ZNF462: variants seen among roughly 807,000 people sequenced by gnomAD.
ZNF462 encodes zinc finger protein 462.
ZNF462 carries 10 observed loss-of-function variants against 201.9 expected under a neutral mutation model. That is an observed-to-expected ratio of 0.05 (90% CI 0.03 to 0.08). The LOEUF is 0.08. Among genes scored for constraint, ZNF462 ranks in the 10% least tolerant of loss-of-function variants. ZNF462 has a pLI of 1.00. For synonymous variants in ZNF462, 1,227 were observed against 1,193.3 expected (o/e 1.03, Z -0.58); for missense variants, 2,523 against 3,168.3 (o/e 0.80, Z 4.89).
In ZNF462 at chr9:106,932,642, G is replaced by T; in HGVS notation, c.6116+93G>T. ...AAGCAGAAGCTTGGATGAGTAAGAA[G>T]GCCCCACTCATGGTTCACACCTGCT... On this transcript the variant is annotated intron_variant, in intron 5 of 12. Transcript: ENST00000277225. This position sits in a 1 kb window ranked among gnomAD's most constrained non-coding sequence, Gnocchi z 6.8. The T allele has an allele frequency of 6.6e-7, 1 of 1,518,866 alleles. No homozygotes were observed. Among genetic ancestry groups the T allele is most frequent in the Non-Finnish European group, 9.0e-7 (1 of 1,108,396 alleles). The allele number at this position is 1,518,866 out of a possible 1,614,324, so 94.1% of individuals were successfully genotyped here.
At position 106,950,522 on chromosome 9, in the gene ZNF462, A is replaced by T. The variant is rs1564127123; in HGVS notation, c.6427+11415A>T. 6.6e-6 allele frequency among the ~76,000 whole-genome samples: 1 copy of T among 152,232 alleles called. No homozygotes were observed. Among genetic ancestry groups the T allele is most frequent in the Non-Finnish European group, 1.5e-5 (1 of 68,036 alleles). On this transcript the variant is annotated intron_variant, in intron 7 of 12. Transcript: ENST00000277225. The surrounding 1 kb of genome is among the most constrained non-coding windows in gnomAD (Gnocchi z 4.1). ...TTTAATTAGGGATACAGAGAAGGAA[A>T]GATGAGGAAATTCACATCTACCTTG...
rs1826688042 is a variant in ZNF462 at position 106,972,687 on chromosome 9, A to G, written c.6695+415A>G. Reference sequence around the variant, plus strand: ...CAGTAGTGTCTTCCCTGCTCCCCTGATAGAAAATTCTTTAATTCTTAAGAT... The same window carrying G: ...CAGTAGTGTCTTCCCTGCTCCCCTGGTAGAAAATTCTTTAATTCTTAAGAT... On this transcript the variant is annotated intron_variant, in intron 8 of 12. Transcript: ENST00000277225. This position sits in a 1 kb window ranked among gnomAD's most constrained non-coding sequence, Gnocchi z 4.8. Among the ~76,000 whole-genome samples the G allele has an allele frequency of 1.3e-5, 2 of 152,084 alleles. No individual in the cohort carries two copies. The highest frequency in any genetic ancestry group is 4.1e-4 in the South Asian group (2 of 4,828).
chr9:106,982,966 T>G (rs1827557686), intron 9 of ZNF462, among the ~76,000 whole-genome samples: 1 of 152,230 alleles, frequency 6.6e-6, no homozygotes. Context: ...CATGCTTTCT[T>G]GACTTAATAA....
intron 1 of ZNF462, among the ~76,000 whole-genome samples, chr9:106,873,889 G>C (rs914416353): frequency 6.6e-6 from 1 of 152,174 alleles, no homozygotes. Context: ...CAAGAAACTA[G>C]TGGTGGTTTT....
In ZNF462 at chr9:106,872,911, C is replaced by T. The variant is rs1827659453; in HGVS notation, c.-31+9556C>T. ...GACAACGGTTTTTATTTTTTTTTAA[C>T]ATTTAATATGAACCAGGGACTGTTC... On this transcript the variant is annotated intron_variant, in intron 1 of 12. Coordinates refer to ENST00000277225, the MANE Select transcript of ZNF462 (RefSeq NM_021224.6). The surrounding 1 kb of genome is among the most constrained non-coding windows in gnomAD (Gnocchi z 4.5). Among the ~76,000 whole-genome samples the T allele has an allele frequency of 6.6e-6, 1 of 151,704 alleles. No individual in the cohort carries two copies. Among genetic ancestry groups the T allele is most frequent in the East Asian group, 1.9e-4 (1 of 5,192 alleles).
At chr9:106,996,125 T>TC (rs1828711505) in intron 10 of ZNF462, among the ~76,000 whole-genome samples, 1 of 152,154 alleles carries the variant, frequency 6.6e-6, no homozygotes, top group Admixed American at 6.5e-5. Context: ...TTCATCCATG[T>TC]CCCTACAAAG....
chr9:106,943,906 G>T (rs757522348), intron 7 of ZNF462, among the ~76,000 whole-genome samples: 11 of 152,156 alleles, frequency 7.2e-5, no homozygotes, highest in Non-Finnish European at 1.3e-4. Flanking sequence ...ATCTGAAGAT[G>T]AAACCTTAGG....
intron 10 of ZNF462, among the ~76,000 whole-genome samples, chr9:106,992,745 A>G (rs961055370): frequency 2.6e-5 from 4 of 152,132 alleles, no homozygotes; most frequent in Non-Finnish European, 4.4e-5. Flanking sequence ...TTGATTACAA[A>G]GGATATGAAG....
At position 106,930,396 on chromosome 9, in the gene ZNF462, C is replaced by T. The variant is rs1309320070; in HGVS notation, c.5848-129C>T. The T allele has an allele frequency of 1.7e-6, 2 of 1,197,140 alleles. No individual in the cohort carries two copies. Among genetic ancestry groups the T allele is most frequent in the Non-Finnish European group, 2.3e-6 (2 of 867,422 alleles). 74.2% of individuals were successfully genotyped at this position (1,197,140 alleles called of 1,614,324 possible). ...CAAATTTGTTATATAAAAATACTCG[C>T]CTATATCTCCCTTGGTTTTTAACCT... On this transcript the variant is annotated intron_variant, in intron 3 of 12. Coordinates refer to ENST00000277225, the MANE Select transcript of ZNF462 (RefSeq NM_021224.6). The surrounding 1 kb of genome is among the most constrained non-coding windows in gnomAD (Gnocchi z 5.8).
chr9:106,920,744 A>G lies in ZNF462; in HGVS notation c.-30-2610A>G, dbSNP rs147661401. Among the ~76,000 whole-genome samples, 88 of 152,304 alleles carry G rather than the reference A, an allele frequency of 5.8e-4. 1 individual carries two copies. In the East Asian group the frequency reaches 0.016, roughly 28 times the overall value. On this transcript the variant is annotated intron_variant, in intron 1 of 12. Coordinates refer to ENST00000277225, the MANE Select transcript of ZNF462 (RefSeq NM_021224.6). This position sits in a 1 kb window ranked among gnomAD's most constrained non-coding sequence, Gnocchi z 4.3. ...TTGATAATAGCTTCAGAAGACACCA[A>G]GATATTAGAGAACTACATAGAGAGA...
At position 106,929,551 on chromosome 9, in the gene ZNF462, T is replaced by C. The variant is rs921193404; in HGVS notation, c.5639T>C (p.Ile1880Thr). ...HSRDLKRDFI[I>T]LGNGPRLQNS... ...CGGGACCTAAAGAGGGACTTCATCA[T>C]TCTGGGCAACGGCCCCCGCTTGCAG... Residue 1880 changes from isoleucine to threonine, a missense_variant, in exon 3 of 13, where the codon ATT (isoleucine) becomes ACT (threonine). Coordinates refer to ENST00000277225, the MANE Select transcript of ZNF462 (RefSeq NM_021224.6). The surrounding 1 kb of genome is among the most constrained non-coding windows in gnomAD (Gnocchi z 8.7). 20 of 1,614,074 alleles carry C rather than the reference T, an allele frequency of 1.2e-5. No individual in the cohort carries two copies. The highest frequency in any genetic ancestry group is 1.7e-5 in the Admixed American group (1 of 60,010).
At chr9:106,904,624 T>C (rs1829192369) in intron 1 of ZNF462, among the ~76,000 whole-genome samples, 1 of 152,214 alleles carries the variant, frequency 6.6e-6, no homozygotes, top group African/African-American at 2.4e-5. Flanking sequence ...TTTGTTCATA[T>C]TTTCTTATTC....
chr9:107,007,755 T>C (rs1829656827), intron 11 of ZNF462, among the ~76,000 whole-genome samples: 1 of 152,154 alleles, frequency 6.6e-6, no homozygotes, highest in Non-Finnish European at 1.5e-5. Context: ...AGGAGGTGGC[T>C]TGCGTGCAGC....
At chr9:106,915,664 G>T (rs1829742489) in intron 1 of ZNF462, among the ~76,000 whole-genome samples, 1 of 152,184 alleles carries the variant, frequency 6.6e-6, no homozygotes. Flanking sequence ...CCTTCTGTTG[G>T]CTTCTGCTAC....
In ZNF462 at chr9:106,866,071, T is replaced by C. The variant is rs1412766780; in HGVS notation, c.-31+2716T>C. Among the ~76,000 whole-genome samples, 6 of 152,166 alleles carry C rather than the reference T, an allele frequency of 3.9e-5. No individual in the cohort carries two copies. In the East Asian group the frequency reaches 1.2e-3, roughly 29 times the overall value. ...AGGTGAGGAGGGCTCCACGGTGGAA[T>C]GAAAACTTGGAGGAGATTCAGAACC... On this transcript the variant is annotated intron_variant, in intron 1 of 12. Transcript: ENST00000277225.
intron 1 of ZNF462, among the ~76,000 whole-genome samples, chr9:106,892,714 A>G (rs985193357): frequency 6.6e-6 from 1 of 151,910 alleles, no homozygotes; most frequent in African/African-American, 2.4e-5. Flanking sequence ...GCACACACAC[A>G]CACACACACA....
In ZNF462 at chr9:106,880,016, A is replaced by G. The variant is rs1286801231; in HGVS notation, c.-31+16661A>G. On this transcript the variant is annotated intron_variant, in intron 1 of 12. Transcript: ENST00000277225. This position sits in a 1 kb window ranked among gnomAD's most constrained non-coding sequence, Gnocchi z 4.1. ...TCGTGGATCCTTGTAGCAGTTGAAC[A>G]TGATAGTTGAATTGTTTCTAATATC... Among the ~76,000 whole-genome samples, 1 of 152,272 alleles carries G rather than the reference A, an allele frequency of 6.6e-6. No homozygotes were observed. Among genetic ancestry groups the G allele is most frequent in the South Asian group, 2.1e-4 (1 of 4,820 alleles).
intron 10 of ZNF462, among the ~76,000 whole-genome samples, chr9:106,998,642 C>G (rs760094047): frequency 1.2e-4 from 19 of 152,122 alleles, no homozygotes; most frequent in Non-Finnish European, 2.5e-4. Flanking sequence ...GAGTCTTGCT[C>G]TGTCACCCAG....
rs1293534163 is a variant in ZNF462 at position 107,003,646 on chromosome 9, A to G, written c.7189+220A>G. Among the ~76,000 whole-genome samples the G allele has an allele frequency of 6.6e-6, 1 of 152,138 alleles. No homozygotes were observed. The highest frequency in any genetic ancestry group is 1.5e-5 in the Non-Finnish European group (1 of 68,010). On this transcript the variant is annotated intron_variant, in intron 11 of 12. Coordinates refer to ENST00000277225, the MANE Select transcript of ZNF462 (RefSeq NM_021224.6). The surrounding 1 kb of genome is among the most constrained non-coding windows in gnomAD (Gnocchi z 4.4). ...GAAAACAGACATTTTCTCCCTAATT[A>G]TAGATATATGTTTGTTGAAAAATAG...
Sources: allele counts gnomAD v4.1 joint callset (sites outside exome capture counted in the v4.1 genomes callset), GRCh38; gene constraint gnomAD v4.1.1; non-coding constraint Gnocchi (gnomAD v3.1); transcripts MANE v1.5; gene names NCBI Gene and HGNC (gene_info 2026-07-23, HGNC 2026-07-21).